PNLDC1: variants seen among roughly 807,000 people sequenced by gnomAD.
The protein encoded by PNLDC1 is poly(A)-specific ribonuclease PNLDC1.
Under a neutral mutation model 82.0 loss-of-function variants are expected in PNLDC1, and 70 were observed. That is an observed-to-expected ratio of 0.85 (90% confidence interval 0.70 to 1.04). The LOEUF is 1.04. PNLDC1 is among the 50% of genes least tolerant of loss of function. PNLDC1 has a pLI of 0.00. For synonymous variants in PNLDC1, 280 were observed against 249.3 expected (o/e 1.12, Z -1.16); for missense variants, 631 against 661.1 (o/e 0.95, Z 0.50).
chr6:159,800,283 G>A lies in PNLDC1; in HGVS notation c.-25G>A, dbSNP rs1781187712. 8 of 1,539,938 alleles carry A rather than the reference G, an allele frequency of 5.2e-6. No homozygotes were observed. Among genetic ancestry groups the A allele is most frequent in the Non-Finnish European group, 6.1e-6 (7 of 1,140,254 alleles). On this transcript the variant is annotated 5_prime_UTR_variant, in exon 1 of 19. Coordinates refer to ENST00000392167, the MANE Select transcript of PNLDC1 (RefSeq NM_001271862.2). ...ACGTGGGCAGCACGTGATAGCGCTG[G>A]GCGACTCCGCGGAGCTGCACGGCCA...
chr6:159,816,683 G>A, intron 14 of PNLDC1, 87 bp downstream of exon 14: 1 of 1,225,630 alleles, frequency 8.2e-7, no homozygotes, highest in South Asian at 1.2e-5. Context: ...CCAGGCTAGA[G>A]TACAGTGGTG....
In PNLDC1 at chr6:159,813,614, C is replaced by A. The variant is rs781459190; in HGVS notation, c.953C>A (p.Pro318Gln). ...CCATGATTGTAGGAGATGAATTTCC[C>A]GAGGGTGTCGAATCTTTCGGAAGTC... is the stretch of plus-strand genomic sequence containing the variant. ...TKDIWKEMNF[P>Q]RVSNLSEVYE... The change falls in exon 12 of 19, where the codon CCG (proline) becomes CAG (glutamine). Residue 318 changes from proline (P) to glutamine (Q), a missense_variant. Physicochemically the swap from Pro to Gln is moderately conservative, Grantham distance 76. Transcript: ENST00000392167. 1 of 1,612,990 alleles carries A rather than the reference C, an allele frequency of 6.2e-7. No individual in the cohort carries two copies. Among genetic ancestry groups the A allele is most frequent in the Non-Finnish European group, 8.5e-7 (1 of 1,179,124 alleles).
chr6:159,814,603 T>C (rs1781754472), intron 12 of PNLDC1, among the ~76,000 whole-genome samples: 1 of 152,132 alleles, frequency 6.6e-6, no homozygotes, highest in East Asian at 1.9e-4. Context: ...GTCTTGATGG[T>C]ACCAGGCATG....
upstream of PNLDC1, chr6:159,800,173 T>C: frequency 1.3e-6 from 1 of 751,438 alleles, no homozygotes; most frequent in Non-Finnish European, 2.1e-6. Context: ...ACGGGGAAGC[T>C]GGGCACGTGG....
In PNLDC1 at chr6:159,819,149, A is replaced by G; in HGVS notation, c.1433+28A>G. On this transcript the variant is annotated intron_variant, in intron 17 of 18. Transcript: ENST00000392167. The surrounding 1 kb of genome is among the most constrained non-coding windows in gnomAD (Gnocchi z 4.6). ...AGGTGCCTCTAAGTCCGCGTCCCCC[A>G]CCCCTCGTGCGTTCATCCCTGTATC... 6.2e-7 allele frequency: 1 copy of G among 1,610,328 alleles called. No homozygotes were observed.
At chr6:159,804,133 C>A (rs994530469) in intron 5 of PNLDC1, 45 bp downstream of exon 5, 4 of 1,601,644 alleles carry the variant, frequency 2.5e-6, no homozygotes, top group Admixed American at 1.7e-5. Flanking sequence ...TTGTTTGTTT[C>A]TGAGATGGAG....
rs1781949858 is a variant in PNLDC1, at chr6:159,819,176, C to G, written c.1433+55C>G. On this transcript the variant is annotated intron_variant, in intron 17 of 18. Transcript: ENST00000392167. The surrounding 1 kb of genome is among the most constrained non-coding windows in gnomAD (Gnocchi z 4.6). ...CCCTCGTGCGTTCATCCCTGTATCT[C>G]TCTGACTCCACCCGCCTGATCACAG... 2.5e-6 allele frequency: 4 copies of G among 1,610,056 alleles called. No homozygotes were observed. In the Admixed American group the frequency reaches 5.0e-5, roughly 20 times the overall value.
chr6:159,813,590 C>T lies in PNLDC1; in HGVS notation c.940-11C>T, dbSNP rs780688155. 2 of 1,608,700 alleles carry T rather than the reference C, an allele frequency of 1.2e-6. No homozygotes were observed. The highest frequency in any genetic ancestry group is 1.7e-5 in the Admixed American group (1 of 60,008). On this transcript the variant is annotated splice_polypyrimidine_tract_variant and intron_variant, in intron 11 of 18. Coordinates refer to ENST00000392167, the MANE Select transcript of PNLDC1 (RefSeq NM_001271862.2). ...AAATGTTTTCCTCTGGTTTGTTTTC[C>T]ATGATTGTAGGAGATGAATTTCCCG...
At chr6:159,815,919 G>A (rs199634057) in intron 12 of PNLDC1, 50 bp from the exon 13 acceptor site, 2 of 1,422,792 alleles carry the variant, frequency 1.4e-6, no homozygotes, top group East Asian at 2.3e-5. Context: ...AATACAAGAA[G>A]GGATTACTTT....
rs1443885037 is a variant in PNLDC1, at chr6:159,804,026, G to A, written c.310G>A (p.Glu104Lys). 3.7e-6 allele frequency: 6 copies of A among 1,613,934 alleles called. No individual in the cohort carries two copies. Among genetic ancestry groups the A allele is most frequent in the Non-Finnish European group, 5.1e-6 (6 of 1,179,886 alleles). ...TACAACGTTTGGGATTTTGGACTCA[G>A]AATTCTCCTTCCAGGCTTCCAGTGT... Reference protein sequence around the residue: ...FPTTFGILDSEFSFQASSVQF... With the variant: ...FPTTFGILDSKFSFQASSVQF... Residue 104 changes from glutamate to lysine, a missense_variant, in exon 5 of 19, where the codon GAA becomes AAA. Glu to Lys is a moderately conservative substitution (Grantham distance 56). Transcript: ENST00000392167.
chr6:159,800,339 GCCTC>G lies in PNLDC1; in HGVS notation c.37_40del (p.Pro13CysfsTer16). The G allele has an allele frequency of 1.3e-6, 2 of 1,547,712 alleles. No homozygotes were observed. Among genetic ancestry groups the G allele is most frequent in the Non-Finnish European group, 8.7e-7 (1 of 1,146,348 alleles). On this transcript the variant is annotated frameshift_variant, in exon 1 of 19. Transcript: ENST00000392167. LOFTEE classifies it high-confidence loss of function. ...GTGGGCGCCGACGAGTTCGAGGAGA[GCCTC>G]CCTCTGCTGCAGGAGCTCGTCCAGG...
At chr6:159,805,854 T>C (rs1400349463) in intron 6 of PNLDC1, 129 bp from the exon 7 acceptor site, 2 of 688,612 alleles carry the variant, frequency 2.9e-6, no homozygotes, top group Non-Finnish European at 5.2e-6. Flanking sequence ...TCGTCTTCTT[T>C]TGGTACATTT....
intron 3 of PNLDC1, among the ~76,000 whole-genome samples, chr6:159,802,889 CTT>C (rs201440513): frequency 5.4e-4 from 79 of 145,434 alleles, no homozygotes; most frequent in African/African-American, 1.8e-3. Flanking sequence ...GGCCTGAAGT[CTT>C]TTTTTTTTTT....
At position 159,818,985 on chromosome 6, in the gene PNLDC1, A is replaced by G; in HGVS notation, c.1297A>G (p.Ile433Val). ...AGATTATCCCAGTATCCGACCTCCCATCCTCATCCTCAGCGTCAAAAGGTG... is the reference window on the plus strand; with the variant it reads ...AGATTATCCCAGTATCCGACCTCCCGTCCTCATCCTCAGCGTCAAAAGGTG... ...GPDYPSIRPP[I>V]LILSVKRWPG... Residue 433 changes from isoleucine (I) to valine (V), a missense_variant, in exon 17 of 19, where the codon ATC (isoleucine) becomes GTC (valine). By Grantham distance (29) the Ile-to-Val change is conservative (BLOSUM62 3). Transcript: ENST00000392167. The G allele has an allele frequency of 3.1e-6, 5 of 1,614,010 alleles. No individual in the cohort carries two copies. In the South Asian group the frequency reaches 3.3e-5, roughly 11 times the overall value.
In PNLDC1 at chr6:159,804,584, A is replaced by G; in HGVS notation, c.408A>G (p.Glu136=). 1 of 1,610,472 alleles carries G rather than the reference A, an allele frequency of 6.2e-7. No homozygotes were observed. Among genetic ancestry groups the G allele is most frequent in the Non-Finnish European group, 8.5e-7 (1 of 1,176,688 alleles). The change falls in exon 6 of 19, where the codon GAA becomes GAG. Residue 136 remains glutamate, a synonymous_variant. Transcript: ENST00000392167. The stretch of plus-strand genomic sequence containing the variant: ...ACGGAATCCCATATATGAATGAAGA[A>G]CAGGAGAAGAAAATTAGACACGATA... ...LKNGIPYMNE[E]QEKKIRHDIL...
chr6:159,815,871 A>C (rs1395378683), intron 12 of PNLDC1, 98 bp from the exon 13 acceptor site: 1 of 920,610 alleles, frequency 1.1e-6, no homozygotes, highest in East Asian at 2.7e-5. Flanking sequence ...TCCTCAGTAC[A>C]TTTAAAAAAT....
intron 5 of PNLDC1, among the ~76,000 whole-genome samples, 174 bp from the exon 6 acceptor site, chr6:159,804,375 G>T (rs1009892185): frequency 6.6e-6 from 1 of 152,096 alleles, no homozygotes; most frequent in East Asian, 1.9e-4. Flanking sequence ...AAGTGCTGGG[G>T]TTATAGGCAT....
Position 159,820,674 on chromosome 6 carries a change from C to T in PNLDC1, c.*157C>T. 1 of 685,840 alleles carries T rather than the reference C, an allele frequency of 1.5e-6. No individual in the cohort carries two copies. The highest frequency in any genetic ancestry group is 2.5e-6 in the Non-Finnish European group (1 of 392,686). 42.5% of individuals were successfully genotyped at this position (685,840 alleles called of 1,614,324 possible). ...CTGAACGTGAAATTCTGTCAACACT[C>T]TCAATGATAAATCAGTCCTTAGATA... is the stretch of plus-strand genomic sequence containing the variant. On this transcript the variant is annotated 3_prime_UTR_variant, in exon 19 of 19. Coordinates refer to ENST00000392167, the MANE Select transcript of PNLDC1 (RefSeq NM_001271862.2).
chr6:159,820,290 C>T (rs576755113), intron 18 of PNLDC1, among the ~76,000 whole-genome samples, 164 bp from the exon 19 acceptor site: 70 of 152,184 alleles, frequency 4.6e-4, no homozygotes, highest in Non-Finnish European at 8.7e-4. Context: ...ATCCCAGAGC[C>T]AGCCTAACCT....
Sources: gnomAD v4.1 joint callset for allele counts (sites outside exome capture counted in the v4.1 genomes callset) on GRCh38, gnomAD v4.1.1 for gene constraint, Gnocchi (gnomAD v3.1) non-coding constraint, MANE v1.5 for transcripts, NCBI Gene and HGNC (gene_info 2026-07-23, HGNC 2026-07-21) for gene names.